Variants in RARA observed in about 807,000 individuals in gnomAD.
RARA encodes PML-DDX5-RARA fusion.
Under a neutral mutation model 42.8 loss-of-function variants are expected in RARA, and 5 were observed. The ratio of observed to expected loss-of-function variants is 0.12; its 90% CI spans 0.06 to 0.25. RARA has a LOEUF of 0.25. Ranked by LOEUF, RARA falls within the 10% of genes least tolerant of loss-of-function variation. The pLI is 1.00. For synonymous variants in RARA, 256 were observed against 259.5 expected (o/e 0.99, Z 0.13); for missense variants, 402 against 628.7 (o/e 0.64, Z 3.86).
intron 2 of RARA, chr17:40,341,782 C>T: frequency 1.6e-6 from 2 of 1,287,772 alleles, no homozygotes; most frequent in Non-Finnish European, 2.0e-6. Context: ...ACCACGGCTT[C>T]GCTCGGCCAG....
chr17:40,344,695 C>T lies in RARA; in HGVS notation c.179-3621C>T, dbSNP rs541041241. 4.6e-5 allele frequency among the ~76,000 whole-genome samples: 7 copies of T among 152,322 alleles called. No individual in the cohort carries two copies. The East Asian group carries it at 1.3e-3, about 29-fold the overall frequency. Reference sequence around the variant, plus strand: ...GGGGTGGGGTAGTAGACCTAGAGGCCTGGGTTTCCAGTTCCCGTAGTCTGA... The same window carrying T: ...GGGGTGGGGTAGTAGACCTAGAGGCTTGGGTTTCCAGTTCCCGTAGTCTGA... On this transcript the variant is annotated intron_variant, in intron 2 of 8. Transcript: ENST00000254066.
rs1181435453 is a variant in RARA at position 40,331,048 on chromosome 17, A to G, written c.-171A>G. The G allele has an allele frequency of 4.3e-6, 3 of 704,878 alleles. No individual in the cohort carries two copies. Among genetic ancestry groups the G allele is most frequent in the Non-Finnish European group, 4.5e-6 (2 of 449,324 alleles). 43.7% of individuals were successfully genotyped at this position (704,878 alleles called of 1,614,324 possible). A position where few individuals can be genotyped will look rare whatever the true frequency, so the allele number is the denominator to read the frequency against. Reference sequence around the variant, plus strand: ...CCCCAGCTAGGGTGGGGGCTCCAGGAGACTGAGATTAGCCTGCCCTCTTTG... The same window carrying G: ...CCCCAGCTAGGGTGGGGGCTCCAGGGGACTGAGATTAGCCTGCCCTCTTTG... On this transcript the variant is annotated 5_prime_UTR_variant, in exon 2 of 9. Coordinates refer to ENST00000254066, the MANE Select transcript of RARA (RefSeq NM_000964.4).
At chr17:40,328,226 A>G (rs2033596671) in intron 1 of RARA, among the ~76,000 whole-genome samples, 1 of 151,980 alleles carries the variant, frequency 6.6e-6, no homozygotes, top group Non-Finnish European at 1.5e-5. Flanking sequence ...CCTGGTCTTC[A>G]ACCAAATGCT....
At chr17:40,327,037 G>C (rs1381326184) in intron 1 of RARA, among the ~76,000 whole-genome samples, 1 of 152,188 alleles carries the variant, frequency 6.6e-6, no homozygotes, top group Non-Finnish European at 1.5e-5. Flanking sequence ...GGCAGAGCTG[G>C]GTTAGGCTTT....
At chr17:40,336,862 AT>A (rs1391504990) in intron 2 of RARA, among the ~76,000 whole-genome samples, 30 of 150,116 alleles carry the variant, frequency 2.0e-4, no homozygotes, top group Admixed American at 2.0e-3. Flanking sequence ...CGCCCAGCTA[AT>A]TTTTGTATTT....
In RARA at chr17:40,354,673, C is replaced by T. The variant is rs889276318; in HGVS notation, c.1012+167C>T. Among the ~76,000 whole-genome samples, 1 of 152,114 alleles carries T rather than the reference C, an allele frequency of 6.6e-6. No individual in the cohort carries two copies. The highest frequency in any genetic ancestry group is 1.5e-5 in the Non-Finnish European group (1 of 68,002). ...CATGTGGGGCCTGGACTCCTGTTCC[C>T]GATTTCTGGGCAACACCCCTTCTAG... On this transcript the variant is annotated intron_variant, in intron 7 of 8. Transcript: ENST00000254066. The surrounding 1 kb of genome is among the most constrained non-coding windows in gnomAD (Gnocchi z 4.5).
Position 40,352,384 on chromosome 17 carries a change from C to G in RARA, c.684C>G (p.Phe228Leu). 6.2e-7 allele frequency: 1 copy of G among 1,613,618 alleles called. No individual in the cohort carries two copies. Among genetic ancestry groups the G allele is most frequent in the Non-Finnish European group, 8.5e-7 (1 of 1,179,724 alleles). The change falls in exon 6 of 9, where the codon TTC becomes TTG. Residue 228 changes from phenylalanine to leucine, a missense_variant. Transcript: ENST00000254066. This position sits in a 1 kb window ranked among gnomAD's most constrained non-coding sequence, Gnocchi z 4.9. ...VSLDIDLWDK[F>L]SELSTKCIIK... ...TGGACATTGACCTCTGGGACAAGTTCAGTGAACTCTCCACCAAGTGCATCA... is the reference window on the plus strand; with the variant it reads ...TGGACATTGACCTCTGGGACAAGTTGAGTGAACTCTCCACCAAGTGCATCA...
chr17:40,355,284 C>G lies in RARA; in HGVS notation c.1034C>G (p.Pro345Arg). Residue 345 changes from proline to arginine, a missense_variant, in exon 8 of 9, where the codon CCG (proline) becomes CGG (arginine). Transcript: ENST00000254066. The surrounding 1 kb of genome is among the most constrained non-coding windows in gnomAD (Gnocchi z 4.1). The stretch of plus-strand genomic sequence containing the variant: ...TCAGACCGCCAGGACCTGGAGCAGC[C>G]GGACCGGGTGGACATGCTGCAGGAG... ...ICGDRQDLEQ[P>R]DRVDMLQEPL... 6.3e-7 allele frequency: 1 copy of G among 1,587,884 alleles called. No individual in the cohort carries two copies. The highest frequency in any genetic ancestry group is 8.6e-7 in the Non-Finnish European group (1 of 1,166,786).
In RARA at chr17:40,326,782, C is replaced by T. The variant is rs1006036961; in HGVS notation, c.-362-4075C>T. On this transcript the variant is annotated intron_variant, in intron 1 of 8. Transcript: ENST00000254066. The surrounding 1 kb of genome is among the most constrained non-coding windows in gnomAD (Gnocchi z 5.2). Reference sequence around the variant, plus strand: ...CTTTGGTACTGGTTTCGATTCTCTGCCGAGGCCTTCTCCACCCCTGGGGTG... The same window carrying T: ...CTTTGGTACTGGTTTCGATTCTCTGTCGAGGCCTTCTCCACCCCTGGGGTG... 2.0e-5 allele frequency among the ~76,000 whole-genome samples: 3 copies of T among 152,130 alleles called. No individual in the cohort carries two copies. The highest frequency in any genetic ancestry group is 7.2e-5 in the African/African-American group (3 of 41,408).
At chr17:40,341,542 C>T (rs1040596722) in intron 2 of RARA, 2 of 1,445,040 alleles carry the variant, frequency 1.4e-6, no homozygotes, top group Non-Finnish European at 1.8e-6. Flanking sequence ...GGAGGTGGCC[C>T]GGTTCGGCCG....
intron 1 of RARA, among the ~76,000 whole-genome samples, chr17:40,329,605 C>T (rs188613883): frequency 2.8e-4 from 43 of 152,272 alleles, no homozygotes; most frequent in African/African-American, 1.0e-3. Flanking sequence ...TAGGTGTGAG[C>T]CACCGCACCC....
rs1402707510 is a variant in RARA, at chr17:40,356,960, T to C, written c.*734T>C. On this transcript the variant is annotated 3_prime_UTR_variant, in exon 9 of 9. Transcript: ENST00000254066. ...AGCCTTTTCCTCCTCAGTTTTCTCT[T>C]TAAAACTGTGAAGTACTAACTTTCC... The C allele has an allele frequency of 2.6e-6, 1 of 386,852 alleles. No individual in the cohort carries two copies. Among genetic ancestry groups the C allele is most frequent in the Non-Finnish European group, 4.8e-6 (1 of 207,472 alleles). The allele number at this position is 386,852 out of a possible 1,614,324, so 24.0% of individuals were successfully genotyped here.
intron 2 of RARA, chr17:40,341,335 T>C (rs1174122365): frequency 7.1e-7 from 1 of 1,416,382 alleles, no homozygotes; most frequent in African/African-American, 1.5e-5. Context: ...TCTGCCTGTG[T>C]TTGTGCCAAC....
chr17:40,341,380 G>A lies in RARA; in HGVS notation c.179-6936G>A, dbSNP rs1316229328. 4 of 1,451,722 alleles carry A rather than the reference G, an allele frequency of 2.8e-6. 1 individual carries two copies. The highest frequency in any genetic ancestry group is 9.1e-7 in the Non-Finnish European group (1 of 1,094,332). The allele number at this position is 1,451,722 out of a possible 1,614,324, so 89.9% of individuals were successfully genotyped here. ...GCTGCCGCGTCGGGTTCCGGCGGCC[G>A]GAGTCACACATGATGTCACAGACAA... On this transcript the variant is annotated intron_variant, in intron 2 of 8. Coordinates refer to ENST00000254066, the MANE Select transcript of RARA (RefSeq NM_000964.4).
chr17:40,354,316 C>T lies in RARA; in HGVS notation c.822C>T (p.Cys274=), dbSNP rs2143521762. ...TCTGCACCCAGATCCTGCGGATCTG[C>T]ACGCGGTACACGCCCGAGCAGGACA... ...ACLDILILRI[C]TRYTPEQDTM... The change falls in exon 7 of 9, where the codon TGC becomes TGT. Residue 274 remains cysteine, a synonymous_variant. Transcript: ENST00000254066. The surrounding 1 kb of genome is among the most constrained non-coding windows in gnomAD (Gnocchi z 4.5). The T allele has an allele frequency of 1.2e-6, 2 of 1,614,150 alleles. No homozygotes were observed. The highest frequency in any genetic ancestry group is 8.5e-7 in the Non-Finnish European group (1 of 1,180,038).
At chr17:40,329,654 C>T (rs1186524369) in intron 1 of RARA, among the ~76,000 whole-genome samples, 1 of 151,950 alleles carries the variant, frequency 6.6e-6, no homozygotes, top group Non-Finnish European at 1.5e-5. Flanking sequence ...AGGATTTTGC[C>T]ATGTTGGCCA....
chr17:40,345,081 C>A lies in RARA; in HGVS notation c.179-3235C>A, dbSNP rs920097494. On this transcript the variant is annotated intron_variant, in intron 2 of 8. Transcript: ENST00000254066. The surrounding 1 kb of genome is among the most constrained non-coding windows in gnomAD (Gnocchi z 4.8). ...GCCTCCCTCCCCAGAGCCCTCATTTCGGTGCATTAGAGGACAAGGGGGGTG... is the reference window on the plus strand; with the variant it reads ...GCCTCCCTCCCCAGAGCCCTCATTTAGGTGCATTAGAGGACAAGGGGGGTG... Among the ~76,000 whole-genome samples the A allele has an allele frequency of 6.6e-6, 1 of 152,190 alleles. No individual in the cohort carries two copies.
At chr17:40,324,947 C>G (rs992341368) in intron 1 of RARA, among the ~76,000 whole-genome samples, 5 of 152,174 alleles carry the variant, frequency 3.3e-5, no homozygotes, top group Non-Finnish European at 2.9e-5. Context: ...CCTAGGGAAG[C>G]CTCTTTTAAA....
At chr17:40,315,062 A>AG (rs2033165742) in intron 1 of RARA, among the ~76,000 whole-genome samples, 1 of 146,328 alleles carries the variant, frequency 6.8e-6, no homozygotes, top group Non-Finnish European at 1.5e-5. Flanking sequence ...TAAGTAGGGG[A>AG]GGAAAGAGTT....
Sources: allele counts gnomAD v4.1 joint callset (sites outside exome capture counted in the v4.1 genomes callset), GRCh38; gene constraint gnomAD v4.1.1; non-coding constraint Gnocchi (gnomAD v3.1); transcripts MANE v1.5; gene names NCBI Gene and HGNC (gene_info 2026-07-23, HGNC 2026-07-21).